FRMD4B: variants seen among roughly 807,000 people sequenced by gnomAD.
FRMD4B encodes the protein FERM domain containing 4B.
A neutral mutation model predicts 141.5 loss-of-function variants in FRMD4B; 74 were observed. The ratio of observed to expected loss-of-function variants is 0.52; its 90% confidence interval spans 0.43 to 0.63. The LOEUF (loss-of-function observed/expected upper bound fraction) is 0.63, where lower values mean the gene tolerates loss of function less well. Among genes scored for constraint, FRMD4B ranks in the 30% least tolerant of loss-of-function variants. The pLI is 0.00. For missense variants in FRMD4B, 1,366 were observed against 1,253.4 expected (o/e 1.09, Z -1.36); for synonymous variants, 506 against 467.9 (o/e 1.08, Z -1.05).
chr3:69,185,429 T>C (rs1325440642), intron 19 of FRMD4B, among the ~76,000 whole-genome samples: 2 of 152,222 alleles, frequency 1.3e-5, no homozygotes, highest in African/African-American at 4.8e-5. Flanking sequence ...TAATTTCCTT[T>C]ATTTAAATTT....
At chr3:69,180,768 G>T in intron 21 of FRMD4B, 131 bp downstream of exon 21, 1 of 631,784 alleles carries the variant, frequency 1.6e-6, no homozygotes, top group East Asian at 2.7e-5. Context: ...TCTTATTGTG[G>T]GGTTCCACCG....
At chr3:69,268,170 C>G (rs1291854486) in intron 5 of FRMD4B, among the ~76,000 whole-genome samples, 1 of 151,902 alleles carries the variant, frequency 6.6e-6, no homozygotes, top group African/African-American at 2.4e-5. Context: ...CACCATTCTG[C>G]CAATATCTGA....
intron 1 of FRMD4B, among the ~76,000 whole-genome samples, chr3:69,491,343 G>C (rs2107024434): frequency 6.6e-6 from 1 of 152,122 alleles, no homozygotes; most frequent in African/African-American, 2.4e-5. Flanking sequence ...TAGCCCTTCA[G>C]CATTGAAAGA....
chr3:69,174,684 C>G (rs2092624097), intron 22 of FRMD4B, among the ~76,000 whole-genome samples: 1 of 152,126 alleles, frequency 6.6e-6, no homozygotes, highest in African/African-American at 2.4e-5. Context: ...TTGGTAAAAA[C>G]AGATTTTCTC....
At position 69,249,215 on chromosome 3, in the gene FRMD4B, A is replaced by C. The variant is rs2093445684; in HGVS notation, c.581+11T>G. 6.5e-7 allele frequency: 1 copy of C among 1,545,548 alleles called. No individual in the cohort carries two copies. Among genetic ancestry groups the C allele is most frequent in the African/African-American group, 1.4e-5 (1 of 73,310 alleles). On this transcript the variant is annotated intron_variant, in intron 7 of 22. Transcript: ENST00000398540. ...ATTTTGCATAGTAATATCAGAAAAG[A>C]AAAGCATTACCTGGTATAATCTCCC... is the stretch of plus-strand genomic sequence containing the variant.
chr3:69,371,541 T>C lies in FRMD4B; in HGVS notation c.162+14287A>G, dbSNP rs144707696. On this transcript the variant is annotated intron_variant, in intron 1 of 22. Coordinates refer to ENST00000398540, the MANE Select transcript of FRMD4B (RefSeq NM_015123.3). ...ACTGGAGGTGGGGTTGAGAAAACAC[T>C]GCAGGGGCGGTTGGCATTTGCAGAG... Among the ~76,000 whole-genome samples, 219 of 152,260 alleles carry C rather than the reference T, an allele frequency of 1.4e-3. 6 individuals are homozygous for C. In the East Asian group the frequency reaches 0.037, roughly 26 times the overall value.
chr3:69,524,274 C>T (rs1376240047), intron 1 of FRMD4B, among the ~76,000 whole-genome samples: 1 of 152,156 alleles, frequency 6.6e-6, no homozygotes, highest in Admixed American at 6.5e-5. Flanking sequence ...ATCCTAGAGG[C>T]CCACTTGGGA....
intron 19 of FRMD4B, among the ~76,000 whole-genome samples, chr3:69,187,566 T>C (rs879312893): frequency 3.1e-4 from 45 of 146,018 alleles, no homozygotes; most frequent in Middle Eastern, 3.6e-3. Flanking sequence ...TATATATATA[T>C]ACATATATAT....
At chr3:69,502,975 C>A (rs1312348973) in intron 1 of FRMD4B, among the ~76,000 whole-genome samples, 1 of 152,150 alleles carries the variant, frequency 6.6e-6, no homozygotes, top group African/African-American at 2.4e-5. Flanking sequence ...CAAATCAAAA[C>A]CACAATGAGA....
At chr3:69,253,998 T>A (rs1196883438) in intron 5 of FRMD4B, among the ~76,000 whole-genome samples, 1 of 152,180 alleles carries the variant, frequency 6.6e-6, no homozygotes, top group Non-Finnish European at 1.5e-5. Flanking sequence ...GAGGATGGCT[T>A]GAGCCTGGGA....
At chr3:69,476,681 A>T (rs991195687) in intron 1 of FRMD4B, among the ~76,000 whole-genome samples, 1 of 152,106 alleles carries the variant, frequency 6.6e-6, no homozygotes, top group African/African-American at 2.4e-5. Flanking sequence ...TGACTTGGCA[A>T]TGAGGGCTCT....
intron 1 of FRMD4B, among the ~76,000 whole-genome samples, chr3:69,335,573 C>T (rs1702518676): frequency 6.6e-6 from 1 of 151,700 alleles, no homozygotes; most frequent in South Asian, 2.1e-4. Context: ...ACCTCGGCTT[C>T]CCAAAGTGTT....
intron 1 of FRMD4B, among the ~76,000 whole-genome samples, chr3:69,330,300 TATATTCAAGGTATAC>T: frequency 6.7e-6 from 1 of 149,788 alleles, no homozygotes; most frequent in East Asian, 1.9e-4. Flanking sequence ...TAATATTATA[TATATTCAAGGTATAC>T]AACATTATAT....
At chr3:69,483,790 T>A (rs753538041) in intron 1 of FRMD4B, among the ~76,000 whole-genome samples, 2 of 152,192 alleles carry the variant, frequency 1.3e-5, no homozygotes, top group Non-Finnish European at 2.9e-5. Flanking sequence ...AATGGAAGAC[T>A]TAATTTCCAT....
intron 18 of FRMD4B, among the ~76,000 whole-genome samples, chr3:69,188,468 T>C (rs2107621929): frequency 6.6e-6 from 1 of 152,286 alleles, no homozygotes; most frequent in Admixed American, 6.5e-5. Flanking sequence ...AGTGGTGAAA[T>C]TTTATGCACC....
intron 17 of FRMD4B, among the ~76,000 whole-genome samples, chr3:69,191,338 T>C (rs1476976367): frequency 6.6e-6 from 1 of 152,096 alleles, no homozygotes; most frequent in Non-Finnish European, 1.5e-5. Context: ...GAGAATTGCT[T>C]GAACCTGGGA....
chr3:69,294,146 T>A (rs1700965582), intron 4 of FRMD4B, among the ~76,000 whole-genome samples: 1 of 152,190 alleles, frequency 6.6e-6, no homozygotes, highest in Admixed American at 6.5e-5. Context: ...TGAACAATGC[T>A]GAGTTTGTGA....
At position 69,459,270 on chromosome 3, in the gene FRMD4B, C is replaced by T. The variant is rs973313708; in HGVS notation, c.-128-26509G>A. On this transcript the variant is annotated intron_variant, in intron 1 of 5. Transcript: ENST00000459638. Reference sequence around the variant, plus strand: ...AGAATCATTGAACTGATTTAATGAGCTCTGTCTAATTATTGCATTTCACCT... The same window carrying T: ...AGAATCATTGAACTGATTTAATGAGTTCTGTCTAATTATTGCATTTCACCT... Among the ~76,000 whole-genome samples the T allele has an allele frequency of 3.9e-5, 6 of 152,176 alleles. 1 individual carries two copies.
intron 1 of FRMD4B, among the ~76,000 whole-genome samples, chr3:69,434,601 T>C (rs6797697): frequency 0.38 from 58,371 of 152,020 alleles, 12,155 homozygotes; most frequent in African/African-American, 0.55. Context: ...TAGAGCATCA[T>C]GGGAATCTAT....
Sources: gnomAD v4.1 joint callset for allele counts (sites outside exome capture counted in the v4.1 genomes callset) on GRCh38, gnomAD v4.1.1 for gene constraint, MANE v1.5 for transcripts, NCBI Gene and HGNC (gene_info 2026-07-23, HGNC 2026-07-21) for gene names.